Variants in PHF20L1 observed in about 807,000 individuals in gnomAD.
PHF20L1 encodes PHD finger protein 20 like 1.
In PHF20L1, 44 loss-of-function variants were observed where a neutral mutation model predicts 125.5. The observed-to-expected ratio is 0.35, with a 90% CI of 0.28 to 0.45. The LOEUF (loss-of-function observed/expected upper bound fraction) is 0.45, where lower values mean the gene tolerates loss of function less well. PHF20L1 is among the 20% of genes least tolerant of loss of function. The pLI is 1.00. For synonymous variants in PHF20L1, 380 were observed against 403.1 expected, an observed-to-expected ratio of 0.94 and a Z score of 0.69; for missense variants, 1,012 against 1,217.2, an observed-to-expected ratio of 0.83 and a Z score of 2.51.
intron 10 of PHF20L1, chr8:132,815,635 G>C (rs1834890156): frequency 6.6e-6 from 1 of 151,832 alleles, no homozygotes. Flanking sequence ...TCAGTTGAGT[G>C]AATATGACAT....
chr8:132,838,412 G>A (rs1449699776), intron 17 of PHF20L1: 1 of 152,788 alleles, frequency 6.5e-6, no homozygotes, highest in Non-Finnish European at 1.5e-5. Context: ...TACCTGTGAT[G>A]CCTTTATTTT....
chr8:132,777,482 G>T (rs894442027), intron 1 of PHF20L1, among the ~76,000 whole-genome samples: 1 of 152,174 alleles, frequency 6.6e-6, no homozygotes, highest in East Asian at 1.9e-4. Flanking sequence ...ATTTTCTTGG[G>T]TATCTGGAAG....
At chr8:132,785,171 A>G (rs1830874380) in intron 2 of PHF20L1, among the ~76,000 whole-genome samples, 1 of 152,184 alleles carries the variant, frequency 6.6e-6, no homozygotes, top group African/African-American at 2.4e-5. Context: ...GCCATCACGT[A>G]TCACACACAT....
chr8:132,808,546 A>G (rs1320837483), intron 8 of PHF20L1: 1 of 152,064 alleles, frequency 6.6e-6, no homozygotes, highest in African/African-American at 2.4e-5. Flanking sequence ...GTCCTTAGAA[A>G]TATAACTCTA....
In PHF20L1 at chr8:132,847,728, A is replaced by G. The variant is rs1838518356; in HGVS notation, c.*1805A>G. 2 of 152,570 alleles carry G rather than the reference A, an allele frequency of 1.3e-5. No homozygotes were observed. Among genetic ancestry groups the G allele is most frequent in the African/African-American group, 4.8e-5 (2 of 41,442 alleles). 9.5% of individuals were successfully genotyped at this position (152,570 alleles called of 1,614,324 possible). A position where few individuals can be genotyped will look rare whatever the true frequency, so the allele number is the denominator to read the frequency against. On this transcript the variant is annotated 3_prime_UTR_variant, in exon 21 of 21. Coordinates refer to ENST00000395386, the MANE Select transcript of PHF20L1 (RefSeq NM_016018.5). ...CAAAGATCAACAGACAGAAAATATC[A>G]TCCTGTGTATTTACTTGTCATACTT... is the stretch of plus-strand genomic sequence containing the variant.
chr8:132,826,730 T>G (rs1410159525), intron 14 of PHF20L1: 1 of 151,970 alleles, frequency 6.6e-6, no homozygotes. Context: ...GAAGGGCCAT[T>G]ATCAGTTCAA....
At chr8:132,826,854 CAT>C (rs1193595033) in intron 14 of PHF20L1, 1 of 151,784 alleles carries the variant, frequency 6.6e-6, no homozygotes, top group African/African-American at 2.4e-5. Flanking sequence ...CCATTTTTTT[CAT>C]ATTTATTAGA....
intron 2 of PHF20L1, among the ~76,000 whole-genome samples, chr8:132,785,037 G>A (rs1352131105): frequency 6.6e-6 from 1 of 152,110 alleles, no homozygotes; most frequent in Non-Finnish European, 1.5e-5. Flanking sequence ...TATAATGAGG[G>A]TAAAGTCCAG....
chr8:132,843,920 T>C, intron 19 of PHF20L1: 1 of 985,276 alleles, frequency 1.0e-6, no homozygotes, highest in Non-Finnish European at 1.2e-6. Flanking sequence ...TATTGAAGCC[T>C]TCTTGCCTGT....
chr8:132,811,502 G>A (rs1834385777), intron 9 of PHF20L1: 2 of 991,498 alleles, frequency 2.0e-6, no homozygotes, highest in Non-Finnish European at 2.4e-6. Flanking sequence ...TTTGTAAGAA[G>A]TTTCTTTTAT....
In PHF20L1 at chr8:132,845,706, A is replaced by G. The variant is rs549674356; in HGVS notation, c.2912-75A>G. 4.5e-5 allele frequency: 48 copies of G among 1,063,426 alleles called. No individual in the cohort carries two copies. The African/African-American group carries it at 6.0e-4, about 13-fold the overall frequency. The allele number at this position is 1,063,426 out of a possible 1,614,324, so 65.9% of individuals were successfully genotyped here. On this transcript the variant is annotated intron_variant, in intron 20 of 20. Coordinates refer to ENST00000395386, the MANE Select transcript of PHF20L1 (RefSeq NM_016018.5). ...AACCCTTAACTCCATCACAGCTCCA[A>G]CTTTCTGATTGTTTCATTTTCTGAC... is the stretch of plus-strand genomic sequence containing the variant.
At chr8:132,789,857 C>A (rs1424295309) in intron 2 of PHF20L1, among the ~76,000 whole-genome samples, 1 of 152,092 alleles carries the variant, frequency 6.6e-6, no homozygotes, top group East Asian at 1.9e-4. Context: ...ACTGAGAAAT[C>A]CTACTTTTAG....
chr8:132,797,532 C>G (rs564829991), intron 4 of PHF20L1, among the ~76,000 whole-genome samples: 1 of 152,042 alleles, frequency 6.6e-6, no homozygotes, highest in South Asian at 2.1e-4. Flanking sequence ...CTGAGTTTTT[C>G]TGGAATGCTG....
chr8:132,842,785 T>C lies in PHF20L1; in HGVS notation c.2658T>C (p.Asp886=), dbSNP rs1476074876. 6.2e-7 allele frequency: 1 copy of C among 1,613,136 alleles called. No individual in the cohort carries two copies. The highest frequency in any genetic ancestry group is 8.5e-7 in the Non-Finnish European group (1 of 1,179,518). ...LADPGSSDDD[D]VSSLEEEQEF... ...ACCCTGGGAGCTCAGATGATGATGATGTTAGTAGTTTGGAAGAAGAACAAG... is the reference window on the plus strand; with the variant it reads ...ACCCTGGGAGCTCAGATGATGATGACGTTAGTAGTTTGGAAGAAGAACAAG... The change falls in exon 19 of 21, where the codon GAT becomes GAC. Residue 886 remains aspartate, a synonymous_variant. Coordinates refer to ENST00000395386, the MANE Select transcript of PHF20L1 (RefSeq NM_016018.5).
At chr8:132,802,022 G>T (rs1240370957) in intron 6 of PHF20L1, among the ~76,000 whole-genome samples, 1 of 151,512 alleles carries the variant, frequency 6.6e-6, no homozygotes, top group Non-Finnish European at 1.5e-5. Context: ...AGGATTAAAT[G>T]CTCTACTCTT....
At chr8:132,833,033 A>T (rs1836945645) in intron 15 of PHF20L1, among the ~76,000 whole-genome samples, 1 of 151,828 alleles carries the variant, frequency 6.6e-6, no homozygotes, top group South Asian at 2.1e-4. Flanking sequence ...AGTGTTGAAG[A>T]CTCTTACCTT....
chr8:132,812,328 A>G (rs565702937), intron 9 of PHF20L1: 9 of 984,898 alleles, frequency 9.1e-6, no homozygotes, highest in Admixed American at 1.2e-4. Flanking sequence ...TACAATGTCA[A>G]TCTTTGATTA....
chr8:132,839,763 G>A (rs921995207), intron 18 of PHF20L1, among the ~76,000 whole-genome samples, 181 bp downstream of exon 18: 11 of 152,112 alleles, frequency 7.2e-5, no homozygotes, highest in Non-Finnish European at 1.6e-4. Context: ...GGTGCTTCCT[G>A]TCTATTCTAG....
At chr8:132,795,200 CA>C (rs1266303668) in intron 4 of PHF20L1, among the ~76,000 whole-genome samples, 1 of 152,074 alleles carries the variant, frequency 6.6e-6, no homozygotes, top group African/African-American at 2.4e-5. Flanking sequence ...GTTCAATTCA[CA>C]AGTGAAATAC....
Sources: gnomAD v4.1 joint callset for allele counts (sites outside exome capture counted in the v4.1 genomes callset) on GRCh38, gnomAD v4.1.1 for gene constraint, MANE v1.5 for transcripts, NCBI Gene and HGNC (gene_info 2026-07-23, HGNC 2026-07-21) for gene names.